Variants in NELL1 observed in about 807,000 individuals in gnomAD.
NELL1 encodes protein kinase C-binding protein NELL1.
Under a neutral mutation model 107.4 loss-of-function variants are expected in NELL1, and 76 were observed. The ratio of observed to expected loss-of-function variants is 0.71; its 90% CI spans 0.59 to 0.86. The LOEUF is 0.86. NELL1 is among the 40% of genes least tolerant of loss of function. The pLI is 0.00. For missense variants in NELL1, 1,024 were observed against 1,005.5 expected (o/e 1.02, Z -0.25); for synonymous variants, 353 against 341.2 (o/e 1.03, Z -0.38).
At chr11:21,435,488 TG>T (rs1853085776) in intron 15 of NELL1, among the ~76,000 whole-genome samples, 1 of 127,870 alleles carries the variant, frequency 7.8e-6, no homozygotes, top group African/African-American at 2.9e-5. Flanking sequence ...TATCGTTTTT[TG>T]TTTTTTGTTT....
rs558578514 is a variant in NELL1, at chr11:20,989,481, A to C, written c.1300+28921A>C. Among the ~76,000 whole-genome samples the C allele has an allele frequency of 3.9e-5, 6 of 152,230 alleles. No homozygotes were observed. The East Asian group carries it at 1.2e-3, about 29-fold the overall frequency. On this transcript the variant is annotated intron_variant, in intron 12 of 19. Transcript: ENST00000357134. Reference sequence around the variant, plus strand: ...ATTCTCTTGTTACCCTTTCTGTTCCATTACCTTATCTTCTTGACTTTGATT... The same window carrying C: ...ATTCTCTTGTTACCCTTTCTGTTCCCTTACCTTATCTTCTTGACTTTGATT...
chr11:20,791,785 C>T (rs1046067757), intron 3 of NELL1, among the ~76,000 whole-genome samples: 35 of 134,618 alleles, frequency 2.6e-4, no homozygotes, highest in Non-Finnish European at 7.8e-5. Context: ...GGAGAAGTCT[C>T]TTTCTATTCC....
chr11:20,814,140 C>T (rs574168289), intron 3 of NELL1, among the ~76,000 whole-genome samples: 28 of 151,660 alleles, frequency 1.8e-4, no homozygotes, highest in Admixed American at 1.2e-3. Context: ...GGACTACAGG[C>T]GCACACCGCC....
chr11:20,708,565 G>T (rs369371273), intron 2 of NELL1, among the ~76,000 whole-genome samples: 1 of 151,898 alleles, frequency 6.6e-6, no homozygotes, highest in East Asian at 1.9e-4. Context: ...CTTTTTGATG[G>T]TATTATTTGC....
At position 21,063,966 on chromosome 11, in the gene NELL1, A is replaced by G. The variant is rs76339384; in HGVS notation, c.1301-49623A>G. 8.8e-3 allele frequency among the ~76,000 whole-genome samples: 1,336 copies of G among 152,328 alleles called. 17 individuals carry two copies. Among genetic ancestry groups the G allele is most frequent in the African/African-American group, 0.03 (1,256 of 41,566 alleles). On this transcript the variant is annotated intron_variant, in intron 12 of 19. Coordinates refer to ENST00000357134, the MANE Select transcript of NELL1 (RefSeq NM_006157.5). ...GGTTGTAATTTGTAATACACTGTTC[A>G]GTGTAGATCTTCTAGGAGAGTGGCA...
chr11:20,911,119 G>A (rs1174629280), intron 5 of NELL1, among the ~76,000 whole-genome samples: 1 of 152,206 alleles, frequency 6.6e-6, no homozygotes, highest in Non-Finnish European at 1.5e-5. Flanking sequence ...CCAGCTTGAT[G>A]AGTGTATGAT....
At chr11:20,775,109 GT>G (rs1220836447) in intron 2 of NELL1, among the ~76,000 whole-genome samples, 1 of 151,896 alleles carries the variant, frequency 6.6e-6, no homozygotes, top group Non-Finnish European at 1.5e-5. Flanking sequence ...AAACATTGTA[GT>G]TTTTTTTCTT....
At chr11:21,413,261 AG>A (rs2133812818) in intron 15 of NELL1, among the ~76,000 whole-genome samples, 1 of 152,038 alleles carries the variant, frequency 6.6e-6, no homozygotes, top group East Asian at 2.0e-4. Context: ...ACCATAACCC[AG>A]GATGTCAAAT....
intron 5 of NELL1, among the ~76,000 whole-genome samples, chr11:20,894,842 T>C (rs1368211600): frequency 6.6e-6 from 1 of 152,188 alleles, no homozygotes; most frequent in Non-Finnish European, 1.5e-5. Flanking sequence ...TTTGCATAAA[T>C]TTGTGGGGTA....
At chr11:20,927,516 G>T (rs1236765524) in intron 8 of NELL1, 74 bp downstream of exon 8, 19 of 1,392,670 alleles carry the variant, frequency 1.4e-5, no homozygotes, top group Non-Finnish European at 1.8e-5. Context: ...GTGTAACCTG[G>T]TTCTTTAATA....
In NELL1 at chr11:21,539,820, G is replaced by A. The variant is rs182078659; in HGVS notation, c.1786+5306G>A. On this transcript the variant is annotated intron_variant, in intron 16 of 19. Transcript: ENST00000357134. ...AGGCAACTTTTGGTTGCGAAAACAG[G>A]AATGCCTGTTCCCATTTAGGGCCAT... Among the ~76,000 whole-genome samples, 779 of 151,770 alleles carry A rather than the reference G, an allele frequency of 5.1e-3. 13 individuals are homozygous for A. Among genetic ancestry groups the A allele is most frequent in the Admixed American group, 0.043 (650 of 15,228 alleles).
chr11:21,499,790 C>G (rs1181836979), intron 15 of NELL1, among the ~76,000 whole-genome samples: 1 of 152,106 alleles, frequency 6.6e-6, no homozygotes, highest in East Asian at 1.9e-4. Flanking sequence ...AGGCTTTCTT[C>G]TTTTGAGTGC....
intron 15 of NELL1, among the ~76,000 whole-genome samples, chr11:21,506,215 G>T (rs1855275213): frequency 2.0e-5 from 3 of 152,104 alleles, no homozygotes; most frequent in Non-Finnish European, 2.9e-5. Context: ...CTGAATTTAT[G>T]AGTTTATTCT....
At chr11:21,033,447 C>T (rs1442301540) in intron 12 of NELL1, among the ~76,000 whole-genome samples, 1 of 152,074 alleles carries the variant, frequency 6.6e-6, no homozygotes, top group African/African-American at 2.4e-5. Context: ...TCCATTTGTT[C>T]TCATCATTTA....
intron 3 of NELL1, among the ~76,000 whole-genome samples, chr11:20,825,692 G>A (rs1053913961): frequency 2.6e-5 from 4 of 151,280 alleles, no homozygotes; most frequent in African/African-American, 7.3e-5. Flanking sequence ...CATTGTACAG[G>A]CTCATAGGTG....
chr11:20,975,881 A>G (rs935029242), intron 12 of NELL1, among the ~76,000 whole-genome samples: 1 of 115,354 alleles, frequency 8.7e-6, no homozygotes, highest in Non-Finnish European at 1.9e-5. Context: ...ATACACATAC[A>G]TGTGTATTAT....
At chr11:21,287,539 C>G (rs575586276) in intron 14 of NELL1, among the ~76,000 whole-genome samples, 18 of 152,156 alleles carry the variant, frequency 1.2e-4, no homozygotes, top group Non-Finnish European at 1.9e-4. Flanking sequence ...TCTGTCCCCC[C>G]ACCCTCATTC....
intron 13 of NELL1, among the ~76,000 whole-genome samples, chr11:21,188,548 C>T (rs1398013690): frequency 6.6e-6 from 1 of 151,652 alleles, no homozygotes; most frequent in Admixed American, 6.6e-5. Flanking sequence ...CTTAAGTCCA[C>T]AAGGCTGTTA....
At chr11:20,880,744 C>CCAGTTGGGTGTGTCTAG (rs1459155522) in intron 4 of NELL1, among the ~76,000 whole-genome samples, 1 of 152,146 alleles carries the variant, frequency 6.6e-6, no homozygotes, top group Non-Finnish European at 1.5e-5. Flanking sequence ...TAAATAGAGT[C>CCAGTTGGGTGTGTCTAG]CAGTTGGGTG....
Sources: gnomAD v4.1 joint callset for allele counts (sites outside exome capture counted in the v4.1 genomes callset) on GRCh38, gnomAD v4.1.1 for gene constraint, MANE v1.5 for transcripts, NCBI Gene and HGNC (gene_info 2026-07-23, HGNC 2026-07-21) for gene names.